The following CTBP2 variants were observed in gnomAD, a reference collection of about 807,000 sequenced individuals.
The protein encoded by CTBP2 is C-terminal binding protein 2, also known as C-terminal-binding protein 2.
A neutral mutation model predicts 80.3 loss-of-function variants in CTBP2; 30 were observed. That is an observed-to-expected ratio of 0.37 (90% CI 0.28 to 0.51). CTBP2 has a LOEUF of 0.51. Among genes scored for constraint, CTBP2 ranks in the 20% least tolerant of loss-of-function variants. The pLI is 0.93. For missense variants in CTBP2, 1,212 were observed against 1,375.3 expected (o/e 0.88, Z 1.88); for synonymous variants, 594 against 587.4 (o/e 1.01, Z -0.16).
chr10:125,037,526 T>C (rs539380958), intron 3 of CTBP2, among the ~76,000 whole-genome samples: 6 of 152,316 alleles, frequency 3.9e-5, no homozygotes, highest in Admixed American at 6.5e-5. Flanking sequence ...TGTGGAATAG[T>C]CTACAAATCA....
chr10:125,023,792 G>C (rs1957282927), intron 1 of CTBP2, among the ~76,000 whole-genome samples: 1 of 152,040 alleles, frequency 6.6e-6, no homozygotes, highest in Non-Finnish European at 1.5e-5. Context: ...ATTAAAAATA[G>C]CCAAAGCATC....
chr10:125,147,898 C>CG (rs1859080215), intron 1 of CTBP2, among the ~76,000 whole-genome samples: 1 of 151,120 alleles, frequency 6.6e-6, no homozygotes, highest in Admixed American at 6.6e-5. Context: ...ACCCCCATCT[C>CG]GGGAAAAAAA....
intron 1 of CTBP2, chr10:125,133,698 A>T (rs1028190028): frequency 1.2e-4 from 18 of 152,380 alleles, no homozygotes; most frequent in South Asian, 8.3e-4. Flanking sequence ...TAAAGAGGCT[A>T]GTCTAGTCTT....
chr10:124,993,839 C>A lies in CTBP2; in HGVS notation c.2531+16G>T. On this transcript the variant is annotated intron_variant, in intron 6 of 8. Transcript: ENST00000309035. ...GGCCCTGTGGGCTCCTGGTAGGCGG[C>A]TGGGGCAACACGCACCTGAAGGGCT... The A allele has an allele frequency of 6.2e-7, 1 of 1,604,572 alleles. No individual in the cohort carries two copies. The highest frequency in any genetic ancestry group is 8.5e-7 in the Non-Finnish European group (1 of 1,175,436).
chr10:125,144,258 C>G (rs1461756442), intron 1 of CTBP2, among the ~76,000 whole-genome samples: 1 of 152,200 alleles, frequency 6.6e-6, no homozygotes, highest in East Asian at 1.9e-4. Context: ...CCGCTCATCC[C>G]TAGAATGGGG....
At chr10:125,059,879 G>T (rs1964632665) in intron 2 of CTBP2, among the ~76,000 whole-genome samples, 1 of 152,120 alleles carries the variant, frequency 6.6e-6, no homozygotes, top group South Asian at 2.1e-4. Flanking sequence ...GCTTGTGTTG[G>T]GTCTGGCTTT....
At chr10:125,054,896 C>G (rs555004854) in intron 2 of CTBP2, among the ~76,000 whole-genome samples, 11 of 152,320 alleles carry the variant, frequency 7.2e-5, no homozygotes, top group African/African-American at 2.6e-4. Context: ...CTCCTCACAA[C>G]AGCAATGCGT....
chr10:125,073,521 G>A (rs11596863), intron 2 of CTBP2, among the ~76,000 whole-genome samples: 8,630 of 152,310 alleles, frequency 0.057, 321 homozygotes, highest in Middle Eastern at 0.1. Context: ...GATTACAGGC[G>A]TGAGCCATCA....
intron 2 of CTBP2, among the ~76,000 whole-genome samples, chr10:125,086,613 T>TAAAAAAAAAA (rs66522424): frequency 8.6e-6 from 1 of 116,434 alleles, no homozygotes; most frequent in African/African-American, 3.3e-5. Context: ...AAATTTTATT[T>TAAAAAAAAAA]AAAAAAAAAA....
chr10:125,027,767 A>G lies in CTBP2; in HGVS notation c.-8T>C, dbSNP rs781119130. On this transcript the variant is annotated 5_prime_UTR_variant, in exon 1 of 9. Coordinates refer to ENST00000309035, the MANE Select transcript of CTBP2 (RefSeq NM_022802.3). ...CCTGCTGGGAACTGGCATTGGAAAA[A>G]AAATGACTGCGGATGAGGCAGAGGA... is the stretch of plus-strand genomic sequence containing the variant. The G allele has an allele frequency of 7.7e-6, 12 of 1,562,352 alleles. No individual in the cohort carries two copies. The highest frequency in any genetic ancestry group is 1.0e-5 in the Non-Finnish European group (12 of 1,153,260).
chr10:125,064,038 A>C (rs922519037), intron 2 of CTBP2, among the ~76,000 whole-genome samples: 1 of 132,702 alleles, frequency 7.5e-6, no homozygotes, highest in South Asian at 3.0e-4. Context: ...ATAGGAATCC[A>C]GTTATTTAAA....
At chr10:125,059,547 A>G (rs899034281) in intron 2 of CTBP2, among the ~76,000 whole-genome samples, 2 of 152,096 alleles carry the variant, frequency 1.3e-5, no homozygotes, top group Non-Finnish European at 2.9e-5. Flanking sequence ...GCATCACTGC[A>G]CTCCAGCCAA....
At chr10:125,073,821 C>T (rs984222638) in intron 2 of CTBP2, among the ~76,000 whole-genome samples, 6 of 152,246 alleles carry the variant, frequency 3.9e-5, no homozygotes, top group African/African-American at 1.4e-4. Context: ...AGGGTCCGGA[C>T]ATGGCGACAT....
chr10:125,077,031 G>A (rs574394819), intron 2 of CTBP2, among the ~76,000 whole-genome samples: 1 of 152,204 alleles, frequency 6.6e-6, no homozygotes. Context: ...CAGGCCAACT[G>A]ATGTGTGTGT....
intron 1 of CTBP2, among the ~76,000 whole-genome samples, chr10:125,021,346 T>C (rs1957019249): frequency 6.6e-6 from 1 of 152,260 alleles, no homozygotes; most frequent in African/African-American, 2.4e-5. Context: ...CTCAACATAC[T>C]TGCCCAAACA....
chr10:125,155,102 G>A (rs970742073), intron 1 of CTBP2, among the ~76,000 whole-genome samples: 8 of 152,190 alleles, frequency 5.3e-5, no homozygotes, highest in African/African-American at 1.4e-4. Flanking sequence ...CGTTAAAATC[G>A]TTCCTCAAAA....
intron 1 of CTBP2, among the ~76,000 whole-genome samples, chr10:125,012,029 G>A (rs996956768): frequency 6.6e-6 from 1 of 152,238 alleles, no homozygotes; most frequent in African/African-American, 2.4e-5. Context: ...CAGCCTGTGT[G>A]AATGCAGACA....
chr10:125,084,158 TTGCCCA>T (rs751887994), intron 2 of CTBP2, among the ~76,000 whole-genome samples: 116 of 152,324 alleles, frequency 7.6e-4, no homozygotes, highest in Non-Finnish European at 1.5e-3. Context: ...GTTATGTATG[TTGCCCA>T]TGCTGGTCTT....
chr10:125,150,662 A>C (rs2681920), intron 1 of CTBP2, among the ~76,000 whole-genome samples: 1,856 of 151,404 alleles, frequency 0.012, 38 homozygotes, highest in African/African-American at 0.042. Flanking sequence ...CTCTGCGAGG[A>C]CAGCGCTGTG....
Sources: allele counts gnomAD v4.1 joint callset (sites outside exome capture counted in the v4.1 genomes callset), GRCh38; gene constraint gnomAD v4.1.1; transcripts MANE v1.5; gene names NCBI Gene and HGNC (gene_info 2026-07-23, HGNC 2026-07-21).